The following ZNF652 variants were observed in gnomAD, a reference collection of about 807,000 sequenced individuals.
ZNF652 encodes zinc finger protein 652.
A neutral mutation model predicts 45.2 loss-of-function variants in ZNF652; 16 were observed. That is an observed-to-expected ratio of 0.35 (90% CI 0.24 to 0.54). The LOEUF (loss-of-function observed/expected upper bound fraction) is 0.54. Among genes scored for constraint, ZNF652 ranks in the 20% least tolerant of loss-of-function variants. The probability of loss-of-function intolerance (pLI) is 0.91; values close to 1 mark genes in which losing one functional copy is unlikely to be tolerated. For missense variants in ZNF652, 614 were observed against 765.6 expected, an observed-to-expected ratio of 0.80 and a Z score of 2.34; for synonymous variants, 250 against 260.6, an observed-to-expected ratio of 0.96 and a Z score of 0.39.
chr17:49,306,257 A>T (rs1428173580), intron 5 of ZNF652, among the ~76,000 whole-genome samples: 1 of 152,232 alleles, frequency 6.6e-6, no homozygotes, highest in Non-Finnish European at 1.5e-5. Context: ...ACTGTAATGG[A>T]AAGATGAACA....
chr17:49,306,813 C>T (rs1024614268), intron 5 of ZNF652, among the ~76,000 whole-genome samples: 2 of 152,038 alleles, frequency 1.3e-5, no homozygotes, highest in African/African-American at 4.8e-5. Context: ...AATGCAGTGG[C>T]GCGATCTCAG....
rs112461858 is a variant in ZNF652 at position 49,360,753 on chromosome 17, A to G, written c.-259+1156T>C. Among the ~76,000 whole-genome samples the G allele has an allele frequency of 4.7e-4, 72 of 152,334 alleles. 1 individual carries two copies. The highest frequency in any genetic ancestry group is 1.6e-3 in the African/African-American group (66 of 41,568). Reference sequence around the variant, plus strand: ...ATACGGGCCTGGCCATCCTCTGGAAAAAAAAAATACACATTCTTTCCTGAA... The same window carrying G: ...ATACGGGCCTGGCCATCCTCTGGAAGAAAAAAATACACATTCTTTCCTGAA... On this transcript the variant is annotated intron_variant, in intron 1 of 5. Coordinates refer to ENST00000430262, the MANE Select transcript of ZNF652 (RefSeq NM_001145365.3).
rs987322905 is a variant in ZNF652, at chr17:49,293,059, G to A, written c.*5354C>T. 6.6e-6 allele frequency among the ~76,000 whole-genome samples: 1 copy of A among 152,160 alleles called. No individual in the cohort carries two copies. Among genetic ancestry groups the A allele is most frequent in the Non-Finnish European group, 1.5e-5 (1 of 68,030 alleles). On this transcript the variant is annotated 3_prime_UTR_variant, in exon 6 of 6. Transcript: ENST00000430262. Reference sequence around the variant, plus strand: ...TGACATCAGAGGATTAGAGAGAGGTGCATACTCATGTGTCTGTCATAAAGA... The same window carrying A: ...TGACATCAGAGGATTAGAGAGAGGTACATACTCATGTGTCTGTCATAAAGA...
Position 49,344,167 on chromosome 17 carries a change from C to T in ZNF652, c.-259+17742G>A, listed in dbSNP as rs189607688. On this transcript the variant is annotated intron_variant, in intron 1 of 5. Coordinates refer to ENST00000430262, the MANE Select transcript of ZNF652 (RefSeq NM_001145365.3). ...AGTGAGCCGAGATCGTGCCACTGCA[C>T]TCCAGCCTGGGGGACAGAGCGAGAC... is the stretch of plus-strand genomic sequence containing the variant. 4.6e-5 allele frequency among the ~76,000 whole-genome samples: 7 copies of T among 151,618 alleles called. No individual in the cohort carries two copies. In the East Asian group the frequency reaches 1.4e-3, roughly 30 times the overall value.
rs2069438057 is a variant in ZNF652, at chr17:49,293,927, C to A, written c.*4486G>T. Among the ~76,000 whole-genome samples the A allele has an allele frequency of 6.6e-6, 1 of 152,050 alleles. No homozygotes were observed. Among genetic ancestry groups the A allele is most frequent in the African/African-American group, 2.4e-5 (1 of 41,410 alleles). The stretch of plus-strand genomic sequence containing the variant: ...TGCAATAAAAGTTGTCTTTTCTATA[C>A]AGTAGCTCAAACAGAAAGGTTTCTC... On this transcript the variant is annotated 3_prime_UTR_variant, in exon 6 of 6. Coordinates refer to ENST00000430262, the MANE Select transcript of ZNF652 (RefSeq NM_001145365.3).
chr17:49,362,271 C>T (rs1221618298), upstream of ZNF652: 2 of 137,646 alleles, frequency 1.5e-5, no homozygotes, highest in African/African-American at 2.7e-5. Flanking sequence ...ACGCGCGCGC[C>T]CGCGCGCGCC....
intron 1 of ZNF652, among the ~76,000 whole-genome samples, chr17:49,353,887 T>C (rs1013416741): frequency 3.6e-4 from 55 of 152,176 alleles, no homozygotes; most frequent in African/African-American, 1.3e-3. Context: ...TGGACATGTA[T>C]TAGTACACAG....
At position 49,297,771 on chromosome 17, in the gene ZNF652, T is replaced by C. The variant is rs2069495605; in HGVS notation, c.*642A>G. 2 of 152,580 alleles carry C rather than the reference T, an allele frequency of 1.3e-5. No homozygotes were observed. Among genetic ancestry groups the C allele is most frequent in the African/African-American group, 2.4e-5 (1 of 41,418 alleles). The allele number at this position is 152,580 out of a possible 1,614,324, so 9.5% of individuals were successfully genotyped here. On this transcript the variant is annotated 3_prime_UTR_variant, in exon 6 of 6. Coordinates refer to ENST00000430262, the MANE Select transcript of ZNF652 (RefSeq NM_001145365.3). ...CATAGGTTCAGCTACACTGAAAAAA[T>C]TACACTGCTTATTGAAATACATTTC... is the stretch of plus-strand genomic sequence containing the variant.
At position 49,343,901 on chromosome 17, in the gene ZNF652, A is replaced by G. The variant is rs111895354; in HGVS notation, c.-259+18008T>C. On this transcript the variant is annotated intron_variant, in intron 1 of 5. Transcript: ENST00000430262. The stretch of plus-strand genomic sequence containing the variant: ...GAAACTTAATCTCTACAAAAAACTT[A>G]AAAATTAGCTAGGCCGGCCAGGCGC... Among the ~76,000 whole-genome samples the G allele has an allele frequency of 7.1e-3, 1,079 of 152,204 alleles. 16 individuals carry two copies. Among genetic ancestry groups the G allele is most frequent in the African/African-American group, 0.022 (931 of 41,550 alleles).
At position 49,316,956 on chromosome 17, in the gene ZNF652, C is replaced by T. The variant is rs746820107; in HGVS notation, c.770G>A (p.Arg257His). 37 of 1,614,028 alleles carry T rather than the reference C, an allele frequency of 2.3e-5. No homozygotes were observed. The highest frequency in any genetic ancestry group is 2.9e-5 in the Non-Finnish European group (34 of 1,180,050). The part of the protein sequence containing the change: ...CEKCPRVFNT[R>H]WYLEKHMNVT... ...GTTCATGTGCTTCTCCAGGTACCAG[C>T]GAGTGTTAAATACCCTGGGGCACTT... The change falls in exon 2 of 6, where the codon CGC (arginine) becomes CAC (histidine). Residue 257 changes from arginine (R) to histidine (H), a missense_variant. Transcript: ENST00000430262.
chr17:49,331,375 C>A (rs911864673), intron 1 of ZNF652, among the ~76,000 whole-genome samples: 1 of 152,114 alleles, frequency 6.6e-6, no homozygotes, highest in African/African-American at 2.4e-5. Context: ...CCCACCTCGG[C>A]CTCCCAAAGT....
chr17:49,347,147 A>G (rs1010253121), intron 1 of ZNF652, among the ~76,000 whole-genome samples: 1 of 152,246 alleles, frequency 6.6e-6, no homozygotes, highest in African/African-American at 2.4e-5. Flanking sequence ...ATTCTTTTGA[A>G]AACAGATAAA....
rs2069503939 is a variant in ZNF652 at position 49,298,438 on chromosome 17, T to G, written c.1796A>C (p.Lys599Thr). 2 of 1,612,866 alleles carry G rather than the reference T, an allele frequency of 1.2e-6. No individual in the cohort carries two copies. The highest frequency in any genetic ancestry group is 8.5e-7 in the Non-Finnish European group (1 of 1,180,036). The change falls in exon 6 of 6, where the codon AAG (lysine) becomes ACG (threonine). Residue 599 changes from lysine to threonine, a missense_variant. By Grantham distance (78) the Lys-to-Thr change is moderately conservative. Coordinates refer to ENST00000430262, the MANE Select transcript of ZNF652 (RefSeq NM_001145365.3). ...TTAATGATGCTGTGCTGAACTGTTC[T>G]TCTCTGCCAGGTGCCGCAGAAAGTT... ...EDNFLRHLAE[K>T]NSSAQHH
intron 1 of ZNF652, among the ~76,000 whole-genome samples, chr17:49,322,089 T>C (rs189162990): frequency 6.7e-4 from 102 of 152,332 alleles, no homozygotes; most frequent in Non-Finnish European, 3.2e-4. Context: ...TCAAATCAAA[T>C]ATTTGGCTTT....
chr17:49,349,129 T>C (rs1004235511), intron 1 of ZNF652, among the ~76,000 whole-genome samples: 1 of 152,170 alleles, frequency 6.6e-6, no homozygotes, highest in Non-Finnish European at 1.5e-5. Context: ...TTTCAAGGAA[T>C]TACTCAATTT....
chr17:49,357,621 T>C (rs1223100537), intron 1 of ZNF652, among the ~76,000 whole-genome samples: 1 of 152,250 alleles, frequency 6.6e-6, no homozygotes, highest in Admixed American at 6.5e-5. Flanking sequence ...CAACTGATAT[T>C]GCCACTGATT....
intron 1 of ZNF652, among the ~76,000 whole-genome samples, chr17:49,318,978 C>T (rs1460949597): frequency 6.6e-6 from 1 of 152,168 alleles, no homozygotes; most frequent in African/African-American, 2.4e-5. Context: ...ACTACATTCA[C>T]TCAGTAAGTC....
intron 1 of ZNF652, among the ~76,000 whole-genome samples, chr17:49,319,635 C>CAAAA (rs35770760): frequency 1.9e-4 from 9 of 46,242 alleles, no homozygotes; most frequent in East Asian, 1.6e-3. Flanking sequence ...GACTCTGTCT[C>CAAAA]AAAAAAAAAA....
At chr17:49,328,051 A>C (rs2898858) in intron 1 of ZNF652, among the ~76,000 whole-genome samples, 34,889 of 151,550 alleles carry the variant, frequency 0.23, 4,126 homozygotes, top group South Asian at 0.32. Context: ...TTTATGTCTC[A>C]TTTTCTGTAT....
Sources: gnomAD v4.1 joint callset for allele counts (sites outside exome capture counted in the v4.1 genomes callset) on GRCh38, gnomAD v4.1.1 for gene constraint, MANE v1.5 for transcripts, NCBI Gene and HGNC (gene_info 2026-07-23, HGNC 2026-07-21) for gene names.